The following RNGTT variants were observed in gnomAD, a reference collection of about 807,000 sequenced individuals.
RNGTT encodes mRNA-capping enzyme.
Under a neutral mutation model 79.3 loss-of-function variants are expected in RNGTT, and 33 were observed. The ratio of observed to expected loss-of-function variants is 0.42; its 90% CI spans 0.32 to 0.56. The LOEUF (loss-of-function observed/expected upper bound fraction) is 0.56, where lower values mean the gene tolerates loss of function less well. RNGTT is among the 20% of genes least tolerant of loss of function. The probability of loss-of-function intolerance (pLI) is 0.17; values close to 1 mark genes in which losing one functional copy is unlikely to be tolerated. For missense variants in RNGTT, 497 were observed against 739.1 expected (o/e 0.67, Z 3.80); for synonymous variants, 222 against 235.9 (o/e 0.94, Z 0.54).
rs530181481 is a variant in RNGTT at position 88,953,623 on chromosome 6, C to T, written c.64+9723G>A. ...ATCCAAATACAAGAAGTTCAAAGAA[C>T]ACCTAGGAAATTCATCACAAAAAGA... On this transcript the variant is annotated intron_variant, in intron 1 of 15. Transcript: ENST00000369485. Among the ~76,000 whole-genome samples the T allele has an allele frequency of 1.4e-4, 22 of 152,280 alleles. No homozygotes were observed. The South Asian group carries it at 4.4e-3, about 30-fold the overall frequency.
At chr6:88,694,607 T>C (rs1775594267) in intron 13 of RNGTT, among the ~76,000 whole-genome samples, 2 of 152,146 alleles carry the variant, frequency 1.3e-5, no homozygotes. Flanking sequence ...AAAATTCCTA[T>C]GGGACTACAA....
intron 6 of RNGTT, among the ~76,000 whole-genome samples, chr6:88,898,433 C>T (rs1783326042): frequency 1.3e-5 from 2 of 152,108 alleles, no homozygotes; most frequent in Admixed American, 1.3e-4. Flanking sequence ...ACTCATCCCA[C>T]ATACTAAGTG....
intron 1 of RNGTT, among the ~76,000 whole-genome samples, chr6:88,950,391 G>A (rs1035709090): frequency 6.6e-6 from 1 of 151,886 alleles, no homozygotes; most frequent in African/African-American, 2.4e-5. Context: ...CCCTAAAAAA[G>A]GTCTTATTAT....
chr6:88,962,528 T>A (rs1323859637), intron 1 of RNGTT, among the ~76,000 whole-genome samples: 1 of 151,886 alleles, frequency 6.6e-6, no homozygotes, highest in Admixed American at 6.6e-5. Flanking sequence ...ATCCCAGCAC[T>A]TTGGGAGGCC....
intron 1 of RNGTT, among the ~76,000 whole-genome samples, chr6:88,941,944 C>T (rs928482151): frequency 2.0e-5 from 3 of 152,100 alleles, no homozygotes; most frequent in Non-Finnish European, 4.4e-5. Flanking sequence ...CCTAAGCCTC[C>T]CAAGTAGCTG....
intron 14 of RNGTT, among the ~76,000 whole-genome samples, chr6:88,651,748 C>T (rs1043339245): frequency 1.5e-5 from 2 of 131,176 alleles, no homozygotes; most frequent in African/African-American, 8.4e-5. Flanking sequence ...AGCCTTCTTG[C>T]CCCCCCAAAT....
intron 11 of RNGTT, among the ~76,000 whole-genome samples, chr6:88,821,253 A>T (rs967829681): frequency 3.3e-5 from 5 of 152,178 alleles, no homozygotes; most frequent in Non-Finnish European, 4.4e-5. Flanking sequence ...ACATGCAAAA[A>T]AATAAATAAA....
chr6:88,925,037 A>G (rs145579010), intron 4 of RNGTT, among the ~76,000 whole-genome samples: 7 of 152,098 alleles, frequency 4.6e-5, no homozygotes, highest in African/African-American at 1.7e-4. Flanking sequence ...TTTTTTTTTA[A>G]GACAAAAATT....
chr6:88,908,807 T>C (rs1783741371), intron 4 of RNGTT, among the ~76,000 whole-genome samples: 1 of 152,180 alleles, frequency 6.6e-6, no homozygotes, highest in Non-Finnish European at 1.5e-5. Flanking sequence ...CCATAGTGTA[T>C]CTGATCCACA....
chr6:88,655,171 T>C (rs949046358), intron 14 of RNGTT, among the ~76,000 whole-genome samples: 4 of 152,200 alleles, frequency 2.6e-5, no homozygotes. Context: ...CCTAGCATAT[T>C]TCAGTCTTTT....
chr6:88,935,194 C>T (rs1784628329), intron 2 of RNGTT, among the ~76,000 whole-genome samples: 1 of 152,036 alleles, frequency 6.6e-6, no homozygotes, highest in Non-Finnish European at 1.5e-5. Context: ...TGTCCTGTCC[C>T]CAATGTATGT....
intron 8 of RNGTT, among the ~76,000 whole-genome samples, chr6:88,874,966 A>G (rs1290339152): frequency 6.6e-6 from 1 of 152,056 alleles, no homozygotes; most frequent in Non-Finnish European, 1.5e-5. Context: ...TAGTTTTGTT[A>G]TATCTCTTAC....
intron 4 of RNGTT, among the ~76,000 whole-genome samples, chr6:88,922,723 GT>G (rs1325369737): frequency 2.0e-5 from 3 of 151,990 alleles, no homozygotes. Flanking sequence ...TAGAAACAGG[GT>G]TTCACCATGT....
chr6:88,897,407 A>C lies in RNGTT; in HGVS notation c.685-5492T>G, dbSNP rs571703735. 3.3e-3 allele frequency among the ~76,000 whole-genome samples: 509 copies of C among 152,272 alleles called. 2 individuals are homozygous for C. The highest frequency in any genetic ancestry group is 5.1e-3 in the Non-Finnish European group (349 of 68,030). ...CCTATTGCTGAAGACCTATTACTCCAAAAACTGCATTTGACCTCCATTCCC... is the reference window on the plus strand; with the variant it reads ...CCTATTGCTGAAGACCTATTACTCCCAAAACTGCATTTGACCTCCATTCCC... On this transcript the variant is annotated intron_variant, in intron 6 of 15. Coordinates refer to ENST00000369485, the MANE Select transcript of RNGTT (RefSeq NM_003800.5).
chr6:88,749,856 C>T (rs889213977), intron 13 of RNGTT, among the ~76,000 whole-genome samples: 1 of 152,158 alleles, frequency 6.6e-6, no homozygotes, highest in East Asian at 1.9e-4. Context: ...GTAGACAGGA[C>T]CATGTTCCCT....
At chr6:88,705,948 A>C (rs1776116408) in intron 13 of RNGTT, among the ~76,000 whole-genome samples, 1 of 134,840 alleles carries the variant, frequency 7.4e-6, no homozygotes, top group Non-Finnish European at 1.5e-5. Context: ...TAATGTGATT[A>C]TATGTGAATT....
At chr6:88,719,451 T>C (rs1484609336) in intron 13 of RNGTT, among the ~76,000 whole-genome samples, 2 of 152,192 alleles carry the variant, frequency 1.3e-5, no homozygotes, top group Non-Finnish European at 2.9e-5. Context: ...ACTGAGAAAA[T>C]TTCAGATTTA....
chr6:88,794,547 T>G (rs1035407846), intron 12 of RNGTT, among the ~76,000 whole-genome samples: 1 of 151,656 alleles, frequency 6.6e-6, no homozygotes, highest in Admixed American at 6.6e-5. Context: ...TAAAAAGAAA[T>G]AAGGAAGGAA....
chr6:88,864,548 G>T (rs558632109), intron 8 of RNGTT, among the ~76,000 whole-genome samples: 185 of 152,180 alleles, frequency 1.2e-3, no homozygotes, highest in African/African-American at 4.3e-3. Flanking sequence ...TACTAATTAT[G>T]TAACTTTGCA....
Sources: gnomAD v4.1 joint callset for allele counts (sites outside exome capture counted in the v4.1 genomes callset) on GRCh38, gnomAD v4.1.1 for gene constraint, MANE v1.5 for transcripts, NCBI Gene and HGNC (gene_info 2026-07-23, HGNC 2026-07-21) for gene names.